MTHFSD: variants seen among roughly 807,000 people sequenced by gnomAD.
MTHFSD encodes the protein methenyltetrahydrofolate synthetase domain containing.
Under a neutral mutation model 31.1 loss-of-function variants are expected in MTHFSD, and 37 were observed. The ratio of observed to expected loss-of-function variants is 1.19; its 90% CI spans 0.91 to 1.56. MTHFSD has a LOEUF of 1.56. Ranked by LOEUF, MTHFSD falls within the 40% of genes most tolerant of loss-of-function variation. MTHFSD has a pLI of 0.00. For synonymous variants in MTHFSD, 221 were observed against 206.9 expected (o/e 1.07, Z -0.59); for missense variants, 664 against 510.1 (o/e 1.30, Z -2.91).
At chr16:86,551,968 G>C (rs1973209406) in intron 3 of MTHFSD, 65 bp downstream of exon 3, 2 of 1,603,794 alleles carry the variant, frequency 1.2e-6, no homozygotes, top group East Asian at 2.2e-5. Context: ...GCACTGACCA[G>C]CTACCTGGAA....
chr16:86,532,514 G>A lies in MTHFSD; in HGVS notation c.682-33C>T, dbSNP rs927092790. 2.9e-6 allele frequency: 4 copies of A among 1,379,696 alleles called. No homozygotes were observed. In the African/African-American group the frequency reaches 5.9e-5, roughly 20 times the overall value. The allele number at this position is 1,379,696 out of a possible 1,614,324, so 85.5% of individuals were successfully genotyped here. A position where few individuals can be genotyped will look rare whatever the true frequency, so the allele number is the denominator to read the frequency against. ...GCAAAGCAGTTGCAGCTCTTTCAGG[G>A]ACAGAATCGCAGGGGCACCTGCCAC... On this transcript the variant is annotated intron_variant, in intron 7 of 7. Coordinates refer to ENST00000360900, the MANE Select transcript of MTHFSD (RefSeq NM_001159377.2).
intron 3 of MTHFSD, 44 bp from the exon 4 acceptor site, chr16:86,548,621 T>C (rs1225001173): frequency 1.4e-6 from 2 of 1,456,712 alleles, no homozygotes; most frequent in East Asian, 4.6e-5. Flanking sequence ...ATCAAATTAT[T>C]CCATAGGACT....
At position 86,542,037 on chromosome 16, in the gene MTHFSD, C is replaced by T; in HGVS notation, c.555+64G>A. 8 of 1,495,316 alleles carry T rather than the reference C, an allele frequency of 5.4e-6. No individual in the cohort carries two copies. The highest frequency in any genetic ancestry group is 7.4e-6 in the Non-Finnish European group (8 of 1,082,034). The allele number at this position is 1,495,316 out of a possible 1,614,324, so 92.6% of individuals were successfully genotyped here. ...GTTCAGAAGCAGATGAGTCTCCTTC[C>T]CCACCCCCTGCTCCCTCAGAAGAGA... On this transcript the variant is annotated intron_variant, in intron 6 of 7. Coordinates refer to ENST00000360900, the MANE Select transcript of MTHFSD (RefSeq NM_001159377.2). The surrounding 1 kb of genome is among the most constrained non-coding windows in gnomAD (Gnocchi z 4.6).
intron 7 of MTHFSD, chr16:86,535,174 G>A: frequency 1.1e-6 from 1 of 907,976 alleles, no homozygotes; most frequent in Non-Finnish European, 1.3e-6. Flanking sequence ...GAGCTAACTG[G>A]CGGCCAGGGC....
rs1041745395 is a variant in MTHFSD, at chr16:86,552,017, A to T, written c.237+16T>A. 1.9e-6 allele frequency: 3 copies of T among 1,613,964 alleles called. No homozygotes were observed. In the African/African-American group the frequency reaches 4.0e-5, roughly 22 times the overall value. ...TGGCGGCCAGGTCTCGGCTCGGCTC[A>T]GGGAAGTGGAATTACCTGCAGCACC... On this transcript the variant is annotated intron_variant, in intron 3 of 7. Coordinates refer to ENST00000360900, the MANE Select transcript of MTHFSD (RefSeq NM_001159377.2).
chr16:86,547,543 G>A, intron 4 of MTHFSD: 6 of 986,546 alleles, frequency 6.1e-6, no homozygotes, highest in Non-Finnish European at 7.2e-6. Flanking sequence ...CATCTCGCAG[G>A]GTCCACGGGG....
At chr16:86,535,643 G>T in intron 7 of MTHFSD, 1 of 349,786 alleles carries the variant, frequency 2.9e-6, no homozygotes, top group African/African-American at 2.2e-5. Context: ...CTGTCCCCTA[G>T]ACATGCTAAG....
chr16:86,532,676 T>G, intron 7 of MTHFSD, 195 bp from the exon 8 acceptor site: 2 of 404,130 alleles, frequency 4.9e-6, no homozygotes, highest in Non-Finnish European at 4.3e-6. Flanking sequence ...TCTGTAGCTC[T>G]GCCCCTCGCC....
chr16:86,547,168 A>G (rs1426025450), intron 4 of MTHFSD: 12 of 986,466 alleles, frequency 1.2e-5, no homozygotes, highest in African/African-American at 1.7e-5. Context: ...TATTTATTCA[A>G]TATAAAATCC....
chr16:86,552,223 T>G lies in MTHFSD; in HGVS notation c.124-77A>C, dbSNP rs2143876002. ...GCACTTTTCTGGGGGGCATCAGGAT[T>G]TACTTTAATGGTCCTGGCCGTTTTG... On this transcript the variant is annotated intron_variant, in intron 2 of 7. Transcript: ENST00000360900. 3 of 1,613,530 alleles carry G rather than the reference T, an allele frequency of 1.9e-6. 1 individual carries two copies. The highest frequency in any genetic ancestry group is 3.3e-4 in the Middle Eastern group (2 of 6,060).
At chr16:86,539,669 A>C (rs181745278) in intron 7 of MTHFSD, among the ~76,000 whole-genome samples, 33 of 152,358 alleles carry the variant, frequency 2.2e-4, no homozygotes, top group Non-Finnish European at 2.9e-4. Context: ...TGGTCAATCA[A>C]GGAGATGCGC....
chr16:86,544,664 T>C (rs1972018695), intron 5 of MTHFSD, among the ~76,000 whole-genome samples: 1 of 152,208 alleles, frequency 6.6e-6, no homozygotes, highest in African/African-American at 2.4e-5. Context: ...CTAGAGGACC[T>C]AGAACCAGAA....
At chr16:86,546,880 A>G (rs1417509001) in intron 4 of MTHFSD, among the ~76,000 whole-genome samples, 2 of 152,210 alleles carry the variant, frequency 1.3e-5, no homozygotes, top group Non-Finnish European at 2.9e-5. Flanking sequence ...AACTCACAGC[A>G]CAAATTCATA....
Position 86,554,763 on chromosome 16 carries a change from G to A in MTHFSD, c.17-12C>T, listed in dbSNP as rs1043590039. 2.5e-6 allele frequency: 4 copies of A among 1,599,636 alleles called. No homozygotes were observed. In the East Asian group the frequency reaches 8.9e-5, roughly 36 times the overall value. ...TTTGGAGACACCTACTGCAACAAAA[G>A]ATTCCCACTTAATAACATACAAAGG... On this transcript the variant is annotated splice_polypyrimidine_tract_variant and intron_variant, in intron 1 of 7. Coordinates refer to ENST00000360900, the MANE Select transcript of MTHFSD (RefSeq NM_001159377.2).
At position 86,543,910 on chromosome 16, in the gene MTHFSD, G is replaced by A. The variant is rs943822989; in HGVS notation, c.443-1697C>T. ...CAGCTGCGGCATTAGATTCTCACAG[G>A]CGTGCAAACCCTCGTATGAATGGTG... On this transcript the variant is annotated intron_variant, in intron 5 of 7. Transcript: ENST00000360900. Among the ~76,000 whole-genome samples the A allele has an allele frequency of 3.3e-5, 5 of 152,152 alleles. No individual in the cohort carries two copies. The East Asian group carries it at 9.6e-4, about 29-fold the overall frequency.
chr16:86,554,601 A>C, intron 2 of MTHFSD, 44 bp downstream of exon 2: 1 of 1,379,916 alleles, frequency 7.2e-7, no homozygotes. Context: ...TTCATTTAAG[A>C]ATATTTTGTT....
intron 7 of MTHFSD, among the ~76,000 whole-genome samples, chr16:86,537,144 G>A (rs1970814675): frequency 1.3e-5 from 2 of 152,118 alleles, no homozygotes. Flanking sequence ...AAATATTGTT[G>A]ATTATAAAAT....
intron 5 of MTHFSD, among the ~76,000 whole-genome samples, chr16:86,546,011 C>G (rs1972244850): frequency 6.6e-6 from 1 of 152,192 alleles, no homozygotes. Context: ...AGCAAGGGCC[C>G]CCTGGCCTTG....
chr16:86,534,574 G>A (rs79415908), intron 7 of MTHFSD, among the ~76,000 whole-genome samples: 4,814 of 152,186 alleles, frequency 0.032, 109 homozygotes, highest in Middle Eastern at 0.078. Context: ...GAAAGTTCAG[G>A]CTTTTGTGTT....
Sources: gnomAD v4.1 joint callset for allele counts (sites outside exome capture counted in the v4.1 genomes callset) on GRCh38, gnomAD v4.1.1 for gene constraint, Gnocchi (gnomAD v3.1) non-coding constraint, MANE v1.5 for transcripts, NCBI Gene and HGNC (gene_info 2026-07-23, HGNC 2026-07-21) for gene names.